PCDHGA1: variants seen among roughly 807,000 people sequenced by gnomAD.
PCDHGA1 encodes protocadherin gamma subfamily A, 1.
Under a neutral mutation model 58.0 loss-of-function variants are expected in PCDHGA1, and 32 were observed. The ratio of observed to expected loss-of-function variants is 0.55; its 90% CI spans 0.42 to 0.74. The LOEUF is 0.74. PCDHGA1 is among the 30% of genes least tolerant of loss of function. The pLI is 0.00. For synonymous variants in PCDHGA1, 498 were observed against 501.1 expected (o/e 0.99, Z 0.08); for missense variants, 1,205 against 1,182.3 (o/e 1.02, Z -0.28).
intron 1 of PCDHGA1, chr5:141,344,730 C>T (rs1757462446): frequency 3.7e-6 from 6 of 1,613,936 alleles, no homozygotes; most frequent in Non-Finnish European, 5.1e-6. Flanking sequence ...AGTGATAGTC[C>T]TGGATGCAAA....
chr5:141,456,324 G>T (rs757059960), intron 1 of PCDHGA1, among the ~76,000 whole-genome samples: 15 of 152,166 alleles, frequency 9.9e-5, no homozygotes, highest in Non-Finnish European at 2.9e-5. Context: ...TCCTCCTGGG[G>T]TTGATCTAAG....
chr5:141,366,580 G>A (rs759906003), intron 1 of PCDHGA1: 19 of 1,614,132 alleles, frequency 1.2e-5, no homozygotes, highest in Non-Finnish European at 4.2e-6. Context: ...GGGCTTTCCT[G>A]CAGACCTATT....
At chr5:141,333,561 T>C (rs1194874886) in intron 1 of PCDHGA1, 1 of 198,370 alleles carries the variant, frequency 5.0e-6, no homozygotes, top group Admixed American at 5.4e-5. Flanking sequence ...ACTGTGATAG[T>C]TTATTTGGGG....
chr5:141,384,071 C>T, intron 1 of PCDHGA1: 1 of 1,603,192 alleles, frequency 6.2e-7, no homozygotes, highest in Non-Finnish European at 8.5e-7. Context: ...GAAAACCTAC[C>T]TTTTAAATTA....
chr5:141,494,745 G>C, intron 1 of PCDHGA1, 62 bp from the exon 2 acceptor site: 1 of 1,612,802 alleles, frequency 6.2e-7, no homozygotes, highest in Middle Eastern at 1.7e-4. Flanking sequence ...ATCCCTAGGG[G>C]CTCGGGTGAC....
chr5:141,399,658 T>G (rs766038311), intron 1 of PCDHGA1: 22 of 1,613,572 alleles, frequency 1.4e-5, no homozygotes, highest in South Asian at 4.4e-5. Flanking sequence ...TGGGGTGGTG[T>G]TCGCGCAGCG....
intron 1 of PCDHGA1, chr5:141,394,165 C>G (rs1228690548): frequency 6.2e-7 from 1 of 1,613,930 alleles, no homozygotes; most frequent in African/African-American, 1.3e-5. Flanking sequence ...AACCCTCCTA[C>G]TTTCCCTCAT....
At chr5:141,503,555 C>T (rs1010409481) in intron 2 of PCDHGA1, among the ~76,000 whole-genome samples, 2 of 148,816 alleles carry the variant, frequency 1.3e-5, no homozygotes, top group African/African-American at 5.0e-5. Context: ...GCCGAGATCG[C>T]GCCACTGTAC....
intron 1 of PCDHGA1, chr5:141,408,026 G>A (rs1484571389): frequency 2.8e-6 from 3 of 1,081,716 alleles, no homozygotes; most frequent in African/African-American, 3.2e-5. Context: ...ACAACAGAAA[G>A]AAGAAAACCA....
Position 141,486,266 on chromosome 5 carries a change from C to G in PCDHGA1, c.2422-8541C>G, listed in dbSNP as rs1311684194. On this transcript the variant is annotated intron_variant, in intron 1 of 3. Transcript: ENST00000517417. The surrounding 1 kb of genome is among the most constrained non-coding windows in gnomAD (Gnocchi z 5.0). Reference sequence around the variant, plus strand: ...TGGAACCCTCCCCGAGAGTGCAGAACCTGGCACTGTGGTGGCACTTATCAG... The same window carrying G: ...TGGAACCCTCCCCGAGAGTGCAGAAGCTGGCACTGTGGTGGCACTTATCAG... 1 of 1,614,098 alleles carries G rather than the reference C, an allele frequency of 6.2e-7. No individual in the cohort carries two copies.
At chr5:141,488,687 GA>G (rs1238909682) in intron 1 of PCDHGA1, among the ~76,000 whole-genome samples, 1 of 152,192 alleles carries the variant, frequency 6.6e-6, no homozygotes, top group East Asian at 1.9e-4. Flanking sequence ...GCCTCTCCCA[GA>G]AGGACAAGAT....
chr5:141,490,981 C>T lies in PCDHGA1; in HGVS notation c.2422-3826C>T. 19 of 1,614,096 alleles carry T rather than the reference C, an allele frequency of 1.2e-5. No homozygotes were observed. The highest frequency in any genetic ancestry group is 1.5e-5 in the Non-Finnish European group (18 of 1,180,018). Reference sequence around the variant, plus strand: ...ACACTCAGCCCCCCAGCGTCTCCCTCGCTCTGCTCCTCCTGGCTCCTTGGT... The same window carrying T: ...ACACTCAGCCCCCCAGCGTCTCCCTTGCTCTGCTCCTCCTGGCTCCTTGGT... On this transcript the variant is annotated intron_variant, in intron 1 of 3. Transcript: ENST00000517417. The surrounding 1 kb of genome is among the most constrained non-coding windows in gnomAD (Gnocchi z 5.4).
chr5:141,502,373 C>A (rs2099813965), intron 2 of PCDHGA1, among the ~76,000 whole-genome samples: 1 of 151,806 alleles, frequency 6.6e-6, no homozygotes, highest in African/African-American at 2.4e-5. Context: ...TTAAAGAGTC[C>A]AGGCCAGTTG....
In PCDHGA1 at chr5:141,417,676, C is replaced by G. The variant is rs902104404; in HGVS notation, c.2422-77131C>G. The G allele has an allele frequency of 1.7e-5, 17 of 993,450 alleles. No individual in the cohort carries two copies. The African/African-American group carries it at 2.8e-4, about 16-fold the overall frequency. The allele number at this position is 993,450 out of a possible 1,614,324, so 61.5% of individuals were successfully genotyped here. ...AGCCTGGGATTCCCTGCGCAGCCAACAACAGAAAAGAAAACCAGCTCCCAC... is the reference window on the plus strand; with the variant it reads ...AGCCTGGGATTCCCTGCGCAGCCAAGAACAGAAAAGAAAACCAGCTCCCAC... On this transcript the variant is annotated intron_variant, in intron 1 of 3. Transcript: ENST00000517417.
intron 1 of PCDHGA1, chr5:141,399,680 A>T: frequency 6.2e-7 from 1 of 1,613,514 alleles, no homozygotes; most frequent in Non-Finnish European, 8.5e-7. Context: ...GCCTTTGACT[A>T]CGAGCAGCTG....
Position 141,440,827 on chromosome 5 carries a change from A to G in PCDHGA1, c.2422-53980A>G, listed in dbSNP as rs570022849. 7 of 152,196 alleles carry G rather than the reference A, an allele frequency of 4.6e-5. 1 individual carries two copies. The highest frequency in any genetic ancestry group is 1.4e-4 in the African/African-American group (6 of 41,526). 9.4% of individuals were successfully genotyped at this position (152,196 alleles called of 1,614,324 possible). A position where few individuals can be genotyped will look rare whatever the true frequency, so the allele number is the denominator to read the frequency against. ...GCAGCATCACTCAACTCCTGATCCT[A>G]TTGGTTGAAGCCAATGACAACCCTG... On this transcript the variant is annotated intron_variant, in intron 1 of 3. Transcript: ENST00000517417.
At chr5:141,337,630 G>A (rs1756696448) in intron 1 of PCDHGA1, among the ~76,000 whole-genome samples, 1 of 152,198 alleles carries the variant, frequency 6.6e-6, no homozygotes, top group African/African-American at 2.4e-5. Context: ...GAAAGGCAAT[G>A]GGGAGTTGCT....
Position 141,511,107 on chromosome 5 carries a change from G to A in PCDHGA1, c.2730G>A (p.Arg910=), listed in dbSNP as rs2099883608. 1 of 1,614,220 alleles carries A rather than the reference G, an allele frequency of 6.2e-7. No homozygotes were observed. Among genetic ancestry groups the A allele is most frequent in the Non-Finnish European group, 8.5e-7 (1 of 1,180,020 alleles). Residue 910 remains arginine, a synonymous_variant, in exon 4 of 4, where the codon CGG becomes CGA. Coordinates refer to ENST00000517417, the MANE Select transcript of PCDHGA1 (RefSeq NM_018912.3). Reference sequence around the variant, plus strand: ...CACTGACCAACGCAGCTGGCAAGCGGGATGGCAAGGCCCCAGCAGGTGGCA... The same window carrying A: ...CACTGACCAACGCAGCTGGCAAGCGAGATGGCAAGGCCCCAGCAGGTGGCA... The part of the protein sequence containing the change: ...NATLTNAAGK[R]DGKAPAGGNG...
At chr5:141,470,037 G>C (rs76537989) in intron 1 of PCDHGA1, among the ~76,000 whole-genome samples, 14 of 152,138 alleles carry the variant, frequency 9.2e-5, no homozygotes, top group Non-Finnish European at 1.5e-4. Flanking sequence ...GCTGAGGCGC[G>C]AGAACTGTTT....
Sources: gnomAD v4.1 joint callset for allele counts (sites outside exome capture counted in the v4.1 genomes callset) on GRCh38, gnomAD v4.1.1 for gene constraint, Gnocchi (gnomAD v3.1) non-coding constraint, MANE v1.5 for transcripts, NCBI Gene and HGNC (gene_info 2026-07-23, HGNC 2026-07-21) for gene names.